ANKRD44: variants seen among roughly 807,000 people sequenced by gnomAD.
The protein encoded by ANKRD44 is ankyrin repeat domain 44, also known as serine/threonine-protein phosphatase 6 regulatory ankyrin repeat subunit B.
Under a neutral mutation model 116.0 loss-of-function variants are expected in ANKRD44, and 35 were observed. The ratio of observed to expected loss-of-function variants is 0.30; its 90% CI spans 0.23 to 0.40. The LOEUF (loss-of-function observed/expected upper bound fraction) is 0.40. Among genes scored for constraint, ANKRD44 ranks in the 10% least tolerant of loss-of-function variants. ANKRD44 has a pLI of 1.00. For missense variants in ANKRD44, 1,014 were observed against 1,242.6 expected (o/e 0.82, Z 2.77); for synonymous variants, 435 against 461.8 (o/e 0.94, Z 0.74).
Position 197,218,751 on chromosome 2 carries a change from C to CTTTTTTTTTTTTTTTTTT in ANKRD44, c.28-31663_28-31646dup, listed in dbSNP as rs138330364. Among the ~76,000 whole-genome samples the CTTTTTTTTTTTTTTTTTT allele has an allele frequency of 2.8e-3, 149 of 52,334 alleles. 24 individuals are homozygous for CTTTTTTTTTTTTTTTTTT. Among genetic ancestry groups the CTTTTTTTTTTTTTTTTTT allele is most frequent in the Non-Finnish European group, 3.6e-3 (101 of 28,396 alleles). 34.3% of individuals were successfully genotyped at this position (52,334 alleles called of 152,430 possible). ...TTCCTGGTATGGGAGGGTAAAGTCC[C>CTTTTTTTTTTTTTTTTTT]TTTTTTTTTTTTTTTTTTTTTTTTT... On this transcript the variant is annotated intron_variant, in intron 1 of 27. Coordinates refer to ENST00000282272, the MANE Select transcript of ANKRD44 (RefSeq NM_001195144.2).
intron 6 of ANKRD44, 92 bp downstream of exon 6, chr2:197,125,289 A>G: frequency 2.5e-6 from 3 of 1,204,920 alleles, no homozygotes; most frequent in Non-Finnish European, 3.7e-6. Context: ...AAAAGAAGTC[A>G]GACTGGAGAA....
chr2:196,982,095 A>G (rs1231106339), downstream of ANKRD44, among the ~76,000 whole-genome samples: 1 of 31,884 alleles, frequency 3.1e-5, no homozygotes, highest in Non-Finnish European at 8.5e-5. Context: ...TCATTTGTCA[A>G]TACTAAAAAA....
intron 1 of ANKRD44, among the ~76,000 whole-genome samples, chr2:197,224,709 A>C (rs576083931): frequency 6.6e-6 from 1 of 152,208 alleles, no homozygotes; most frequent in African/African-American, 2.4e-5. Context: ...TAAGCCCCAT[A>C]GGATTTAAAA....
rs1283636803 is a variant in ANKRD44, at chr2:196,987,493, C to T, written c.*2098G>A. On this transcript the variant is annotated 3_prime_UTR_variant, in exon 28 of 28. Coordinates refer to ENST00000282272, the MANE Select transcript of ANKRD44 (RefSeq NM_001195144.2). ...TCAACCAACACAACATATAAGCACA[C>T]CAAGTTGCTCAACAGTACAAAGAAT... The T allele has an allele frequency of 1.7e-5, 17 of 985,148 alleles. No individual in the cohort carries two copies. The highest frequency in any genetic ancestry group is 2.0e-5 in the Non-Finnish European group (17 of 829,854). The allele number at this position is 985,148 out of a possible 1,614,324, so 61.0% of individuals were successfully genotyped here.
intron 21 of ANKRD44, among the ~76,000 whole-genome samples, chr2:196,969,123 T>C (rs1174166407): frequency 1.3e-5 from 2 of 152,226 alleles, no homozygotes; most frequent in African/African-American, 2.4e-5. Flanking sequence ...ACATGTAACC[T>C]AAATAAAACC....
chr2:197,153,559 T>C (rs2079719448), intron 2 of ANKRD44, among the ~76,000 whole-genome samples: 1 of 152,146 alleles, frequency 6.6e-6, no homozygotes, highest in Non-Finnish European at 1.5e-5. Context: ...AAAAGAAGGT[T>C]AAAGAAGAAA....
rs1559070689 is a variant in ANKRD44, at chr2:197,110,643, A to C, written c.985+123T>G. The C allele has an allele frequency of 3.8e-6, 3 of 779,592 alleles. No homozygotes were observed. The African/African-American group carries it at 5.2e-5, about 13-fold the overall frequency. 48.3% of individuals were successfully genotyped at this position (779,592 alleles called of 1,614,324 possible). On this transcript the variant is annotated intron_variant, in intron 9 of 27. Transcript: ENST00000282272. ...TTTTAGCAAAGTACATCAAAGAATTATGTAATTGCATGCTTACTAAAACTC... is the reference window on the plus strand; with the variant it reads ...TTTTAGCAAAGTACATCAAAGAATTCTGTAATTGCATGCTTACTAAAACTC...
At chr2:197,092,032 C>T (rs916408120) in intron 10 of ANKRD44, among the ~76,000 whole-genome samples, 2 of 152,148 alleles carry the variant, frequency 1.3e-5, no homozygotes, top group South Asian at 2.1e-4. Flanking sequence ...TTTTTGCCTT[C>T]GGGATTAAAT....
intron 17 of ANKRD44, among the ~76,000 whole-genome samples, chr2:197,019,790 T>C (rs2076461569): frequency 6.7e-6 from 1 of 149,010 alleles, no homozygotes; most frequent in Non-Finnish European, 1.5e-5. Context: ...GGCGATTTCT[T>C]TTTTTTTCTT....
intron 16 of ANKRD44, among the ~76,000 whole-genome samples, chr2:197,049,518 A>G (rs6750347): frequency 0.053 from 8,030 of 152,220 alleles, 679 homozygotes; most frequent in African/African-American, 0.18. Flanking sequence ...AATATTTAAG[A>G]TCTATACTGT....
At chr2:197,032,806 GT>G (rs1269629261) in intron 16 of ANKRD44, among the ~76,000 whole-genome samples, 8 of 152,202 alleles carry the variant, frequency 5.3e-5, no homozygotes, top group Admixed American at 1.3e-4. Flanking sequence ...AGAGCTTATA[GT>G]TTAGAAGGTG....
chr2:197,054,073 G>A (rs868008567), intron 16 of ANKRD44, among the ~76,000 whole-genome samples: 1 of 152,144 alleles, frequency 6.6e-6, no homozygotes, highest in Non-Finnish European at 1.5e-5. Context: ...AACCTGGCCG[G>A]TTATAGGACA....
intron 24 of ANKRD44, 113 bp from the exon 25 acceptor site, chr2:196,998,532 A>G: frequency 2.6e-6 from 2 of 778,228 alleles, no homozygotes; most frequent in East Asian, 2.7e-5. Flanking sequence ...TCACATAATC[A>G]TATTTAATGT....
intron 2 of ANKRD44, among the ~76,000 whole-genome samples, chr2:197,183,424 T>C (rs1179048408): frequency 3.3e-5 from 5 of 152,220 alleles, no homozygotes; most frequent in African/African-American, 1.2e-4. Context: ...TACATGGTTA[T>C]CAGCCCCTTT....
At chr2:197,002,439 C>A (rs1176255890) in intron 21 of ANKRD44, among the ~76,000 whole-genome samples, 1 of 152,142 alleles carries the variant, frequency 6.6e-6, no homozygotes, top group Non-Finnish European at 1.5e-5. Flanking sequence ...GTTTCCAAAT[C>A]AACTGAATTC....
At chr2:197,227,601 C>CAA (rs140740345) in intron 1 of ANKRD44, among the ~76,000 whole-genome samples, 12,580 of 149,352 alleles carry the variant, frequency 0.084, 867 homozygotes, top group African/African-American at 0.19. Context: ...TTTGTTTTAC[C>CAA]AAAAAAAACA....
chr2:197,137,060 G>A (rs1341794637), intron 3 of ANKRD44, among the ~76,000 whole-genome samples: 4 of 152,122 alleles, frequency 2.6e-5, no homozygotes, highest in African/African-American at 9.7e-5. Flanking sequence ...TGGAACAGAA[G>A]CTCCCTGCAA....
chr2:196,989,137 CT>C lies in ANKRD44; in HGVS notation c.*453del, dbSNP rs374625804. 7,157 of 978,044 alleles carry C rather than the reference CT, an allele frequency of 7.3e-3. 37 individuals carry two copies. Among genetic ancestry groups the C allele is most frequent in the South Asian group, 0.029 (621 of 21,090 alleles). The allele number at this position is 978,044 out of a possible 1,614,324, so 60.6% of individuals were successfully genotyped here. On this transcript the variant is annotated 3_prime_UTR_variant, in exon 28 of 28. Coordinates refer to ENST00000282272, the MANE Select transcript of ANKRD44 (RefSeq NM_001195144.2). ...CCAGGGTCAAGTGTTTTTTTTTTCA[CT>C]TTTTTTTTGTTATTCTAAATAAGAT...
intron 1 of ANKRD44, among the ~76,000 whole-genome samples, chr2:197,310,027 C>A (rs2084197883): frequency 6.6e-6 from 1 of 152,192 alleles, no homozygotes; most frequent in African/African-American, 2.4e-5. Context: ...CTCCAGGGGT[C>A]CCCATCCCGC....
Sources: allele counts gnomAD v4.1 joint callset (sites outside exome capture counted in the v4.1 genomes callset), GRCh38; gene constraint gnomAD v4.1.1; transcripts MANE v1.5; gene names NCBI Gene and HGNC (gene_info 2026-07-23, HGNC 2026-07-21).